PBX1: variants seen among roughly 807,000 people sequenced by gnomAD.
The protein encoded by PBX1 is PBX homeobox 1.
PBX1 carries 6 observed loss-of-function variants against 53.4 expected under a neutral mutation model. That is an observed-to-expected ratio of 0.11 (90% CI 0.06 to 0.22). The LOEUF is 0.22. PBX1 is among the 10% of genes least tolerant of loss of function. The probability of loss-of-function intolerance (pLI) is 1.00; values close to 1 mark genes in which losing one functional copy is unlikely to be tolerated. For synonymous variants in PBX1, 204 were observed against 212.3 expected, an observed-to-expected ratio of 0.96 and a Z score of 0.34; for missense variants, 251 against 551.4, an observed-to-expected ratio of 0.46 and a Z score of 5.46.
intron 2 of PBX1, among the ~76,000 whole-genome samples, chr1:164,752,151 C>G (rs971052455): frequency 1.3e-5 from 2 of 151,326 alleles, no homozygotes; most frequent in African/African-American, 4.9e-5. Flanking sequence ...TACCAAGAAA[C>G]AAACAAGCGG....
intron 2 of PBX1, among the ~76,000 whole-genome samples, chr1:164,748,008 C>G (rs1003274133): frequency 2.0e-5 from 3 of 152,120 alleles, no homozygotes; most frequent in Middle Eastern, 3.2e-3. Context: ...GGTGTACCCA[C>G]TATTCTTACT....
intron 2 of PBX1, among the ~76,000 whole-genome samples, chr1:164,723,283 G>C (rs938091562): frequency 6.6e-5 from 10 of 152,284 alleles, no homozygotes; most frequent in African/African-American, 2.4e-4. Flanking sequence ...AGAGAGGGAA[G>C]AGAGGCACAG....
At chr1:164,678,986 A>T (rs930249790) in intron 2 of PBX1, among the ~76,000 whole-genome samples, 1 of 152,230 alleles carries the variant, frequency 6.6e-6, no homozygotes, top group Admixed American at 6.5e-5. Flanking sequence ...TTATCCTCAC[A>T]TAGGCAGAGG....
chr1:164,732,688 G>A (rs1665061734), intron 2 of PBX1, among the ~76,000 whole-genome samples: 1 of 151,994 alleles, frequency 6.6e-6, no homozygotes, highest in African/African-American at 2.4e-5. Flanking sequence ...TCTGCATAAA[G>A]ATGATTCCTC....
intron 2 of PBX1, chr1:164,684,329 G>A (rs1461795396): frequency 6.6e-6 from 1 of 152,158 alleles, no homozygotes; most frequent in Non-Finnish European, 1.5e-5. Context: ...CTTTGTGAAA[G>A]CATTGTAGAA....
At chr1:164,663,172 T>G (rs1413550233) in intron 2 of PBX1, among the ~76,000 whole-genome samples, 19 of 150,250 alleles carry the variant, frequency 1.3e-4, no homozygotes, top group Non-Finnish European at 2.7e-4. Context: ...CTGCCTTCCT[T>G]CCTGCCTTCC....
rs1194886227 is a variant in PBX1 at position 164,644,581 on chromosome 1, A to G, written c.265+81270A>G. On this transcript the variant is annotated intron_variant, in intron 2 of 8. Transcript: ENST00000420696. ...CAGCTTTTGTTTTTTTTTTTCCTAA[A>G]TGGAGATAAAGTTGGAAGTTAAAAG... 2.6e-5 allele frequency among the ~76,000 whole-genome samples: 4 copies of G among 151,928 alleles called. No individual in the cohort carries two copies. The East Asian group carries it at 7.7e-4, about 29-fold the overall frequency.
chr1:164,716,222 A>G (rs1002700666), intron 2 of PBX1, among the ~76,000 whole-genome samples: 1 of 152,208 alleles, frequency 6.6e-6, no homozygotes, highest in Non-Finnish European at 1.5e-5. Context: ...GATCTATGCA[A>G]GGCAGTGGTG....
intron 2 of PBX1, chr1:164,642,593 G>C (rs1393751959): frequency 2.0e-5 from 3 of 152,212 alleles, no homozygotes. Flanking sequence ...TAAGTGTTCA[G>C]TATGAATTTA....
At chr1:164,700,411 T>C (rs1304076762) in intron 2 of PBX1, 1 of 971,868 alleles carries the variant, frequency 1.0e-6, no homozygotes, top group Non-Finnish European at 1.2e-6. Flanking sequence ...TATTTCTCCA[T>C]TGGAGACTTA....
Position 164,831,274 on chromosome 1 carries a change from A to G in PBX1, c.1200+9648A>G, listed in dbSNP as rs887483137. On this transcript the variant is annotated intron_variant, in intron 8 of 8. Transcript: ENST00000420696. ...TTCTCCTAAGTAAATATCCTGGTAC[A>G]TGTATCATTAACTAGAGTTCAATAT... is the stretch of plus-strand genomic sequence containing the variant. Among the ~76,000 whole-genome samples, 17 of 152,322 alleles carry G rather than the reference A, an allele frequency of 1.1e-4. 1 individual carries two copies. In the East Asian group the frequency reaches 2.9e-3, roughly 26 times the overall value.
At chr1:164,643,447 G>T (rs1659266313) in intron 2 of PBX1, among the ~76,000 whole-genome samples, 2 of 152,088 alleles carry the variant, frequency 1.3e-5, no homozygotes, top group Non-Finnish European at 2.9e-5. Context: ...ATTCTCTTTG[G>T]CTCACTTTCT....
chr1:164,594,250 A>C (rs2101780664), intron 2 of PBX1, among the ~76,000 whole-genome samples: 1 of 152,308 alleles, frequency 6.6e-6, no homozygotes, highest in East Asian at 1.9e-4. Context: ...AAGCTGCAAC[A>C]GAGACTTGGG....
chr1:164,708,669 C>T (rs1034241209), intron 2 of PBX1, among the ~76,000 whole-genome samples: 10 of 152,118 alleles, frequency 6.6e-5, no homozygotes, highest in African/African-American at 1.4e-4. Flanking sequence ...TTTGTTTCTG[C>T]GTTAAATCAC....
chr1:164,678,807 G>A (rs577995152), intron 2 of PBX1, among the ~76,000 whole-genome samples: 32 of 152,220 alleles, frequency 2.1e-4, no homozygotes, highest in African/African-American at 7.5e-4. Context: ...ATCCTCAGTC[G>A]GCATGGTAGT....
At chr1:164,777,396 C>T (rs1667725377) in intron 2 of PBX1, among the ~76,000 whole-genome samples, 1 of 152,160 alleles carries the variant, frequency 6.6e-6, no homozygotes, top group South Asian at 2.1e-4. Flanking sequence ...GCACTCCACC[C>T]TGGGCTACAG....
At chr1:164,560,853 T>C (rs1652989766) in intron 1 of PBX1, among the ~76,000 whole-genome samples, 1 of 152,208 alleles carries the variant, frequency 6.6e-6, no homozygotes, top group Non-Finnish European at 1.5e-5. Context: ...CCATGCTTCT[T>C]TCAGGACCAC....
chr1:164,578,681 C>T (rs1654417019), intron 2 of PBX1, among the ~76,000 whole-genome samples: 1 of 152,228 alleles, frequency 6.6e-6, no homozygotes, highest in South Asian at 2.1e-4. Context: ...GGAATGTGTT[C>T]CCCAGAGCCA....
At position 164,784,933 on chromosome 1, in the gene PBX1, C is replaced by T. The variant is rs191610441; in HGVS notation, c.266-7561C>T. On this transcript the variant is annotated intron_variant, in intron 2 of 8. Coordinates refer to ENST00000420696, the MANE Select transcript of PBX1 (RefSeq NM_002585.4). ...ATGGCTTAAAAACAATAATATCTTA[C>T]CTTCAATACAAATCCCCCACTTTAA... Among the ~76,000 whole-genome samples, 772 of 152,294 alleles carry T rather than the reference C, an allele frequency of 5.1e-3. 5 individuals are homozygous for T. Among genetic ancestry groups the T allele is most frequent in the Admixed American group, 8.9e-3 (136 of 15,300 alleles).
Sources: gnomAD v4.1 joint callset for allele counts (sites outside exome capture counted in the v4.1 genomes callset) on GRCh38, gnomAD v4.1.1 for gene constraint, MANE v1.5 for transcripts, NCBI Gene and HGNC (gene_info 2026-07-23, HGNC 2026-07-21) for gene names.